SPMIP5: variants seen among roughly 807,000 people sequenced by gnomAD.
The protein encoded by SPMIP5 is sperm microtubule inner protein 5.
chr10:116,662,449 G>T, the SPMIP5 span, among the ~76,000 whole-genome samples: 1 of 152,258 alleles, frequency 6.6e-6, no homozygotes, highest in Non-Finnish European at 1.5e-5. Context: ...TTCGCCTGGA[G>T]GTTAGTGAAA....
chr10:116,667,546 G>T, the SPMIP5 span, among the ~76,000 whole-genome samples: 1 of 152,228 alleles, frequency 6.6e-6, no homozygotes, highest in Non-Finnish European at 1.5e-5. Flanking sequence ...ATTAGGACCA[G>T]AGTGAGGTTG....
At chr10:116,665,319 C>T in the SPMIP5 span, 5 of 373,472 alleles carry the variant, frequency 1.3e-5, no homozygotes, top group Non-Finnish European at 2.3e-5. Flanking sequence ...GCAGGAGAAT[C>T]GCTTGAACCC....
chr10:116,664,510 C>T, the SPMIP5 span: 4 of 828,160 alleles, frequency 4.8e-6, no homozygotes, highest in African/African-American at 7.0e-5. Context: ...CTGGTTTTTA[C>T]TCCCATCCCC....
chr10:116,666,468 TTG>T, the SPMIP5 span, among the ~76,000 whole-genome samples: 2 of 141,598 alleles, frequency 1.4e-5, no homozygotes, highest in African/African-American at 5.2e-5. Flanking sequence ...TTTTTTTTTT[TTG>T]AAGAACAAAT....
At chr10:116,663,098 C>T in the SPMIP5 span, among the ~76,000 whole-genome samples, 2 of 149,582 alleles carry the variant, frequency 1.3e-5, no homozygotes, top group African/African-American at 2.5e-5. Context: ...AGGAGAATGG[C>T]GTGAACCCAG....
At chr10:116,668,933 G>GCACACACACACACACACACACACACA in the SPMIP5 span, among the ~76,000 whole-genome samples, 56 of 135,376 alleles carry the variant, frequency 4.1e-4, no homozygotes, top group African/African-American at 1.1e-3. Context: ...GCACACACAT[G>GCACACACACACACACACACACACACA]CACACACACA....
chr10:116,662,869 C>A, the SPMIP5 span, among the ~76,000 whole-genome samples: 1 of 152,148 alleles, frequency 6.6e-6, no homozygotes, highest in Non-Finnish European at 1.5e-5. Context: ...TGATCCAGTG[C>A]GACTGGTGTC....
At chr10:116,665,697 G>A in the SPMIP5 span, 1 of 1,614,188 alleles carries the variant, frequency 6.2e-7, no homozygotes, top group South Asian at 1.1e-5. Context: ...TTTCGGGGCA[G>A]TGGCCACTGC....
chr10:116,664,810 G>C, the SPMIP5 span: 1 of 1,614,142 alleles, frequency 6.2e-7, no homozygotes, highest in Non-Finnish European at 8.5e-7. Flanking sequence ...GTGATCTCCA[G>C]GAAGTCCTTG....
At chr10:116,665,243 A>G in the SPMIP5 span, 1 of 600,192 alleles carries the variant, frequency 1.7e-6, no homozygotes, top group East Asian at 5.8e-5. Flanking sequence ...CTAAAAATAC[A>G]AAAATTAGCC....
the SPMIP5 span, chr10:116,664,321 G>A: frequency 7.9e-7 from 1 of 1,262,356 alleles, no homozygotes; most frequent in Non-Finnish European, 1.1e-6. Flanking sequence ...ATTAAGAATA[G>A]AATAATAATA....
At chr10:116,668,923 GCACACACATGCACACA>G in the SPMIP5 span, among the ~76,000 whole-genome samples, 1 of 61,580 alleles carries the variant, frequency 1.6e-5, no homozygotes, top group African/African-American at 6.8e-5. Context: ...CCACCCGCCG[GCACACACATGCACACA>G]CACACACACA....
chr10:116,663,820 T>G, the SPMIP5 span: 3 of 1,381,218 alleles, frequency 2.2e-6, no homozygotes, highest in South Asian at 4.9e-5. Flanking sequence ...AATTTCTTTA[T>G]TGCTCACTGG....
At chr10:116,665,473 G>A in the SPMIP5 span, 1 of 631,712 alleles carries the variant, frequency 1.6e-6, no homozygotes, top group South Asian at 3.1e-5. Flanking sequence ...AAGAAATGGA[G>A]CCTTTGCATT....
chr10:116,666,100 C>T, the SPMIP5 span, among the ~76,000 whole-genome samples: 1 of 152,206 alleles, frequency 6.6e-6, no homozygotes, highest in South Asian at 2.1e-4. Flanking sequence ...TAGCAAAGCC[C>T]CTGATGTCAG....
chr10:116,663,243 GGA>G, the SPMIP5 span, among the ~76,000 whole-genome samples: 3 of 151,938 alleles, frequency 2.0e-5, no homozygotes, highest in East Asian at 5.8e-4. Flanking sequence ...CAGGGGGCCT[GGA>G]GTTAGTAGCA....
At chr10:116,664,277 A>G in the SPMIP5 span, 1 of 1,571,850 alleles carries the variant, frequency 6.4e-7, no homozygotes, top group Non-Finnish European at 8.6e-7. Context: ...ATATTCTAAA[A>G]CAAGAATAGA....
the SPMIP5 span, chr10:116,665,863 A>G: frequency 2.6e-6 from 4 of 1,560,276 alleles, no homozygotes; most frequent in Non-Finnish European, 3.5e-6. Flanking sequence ...CTTCAGCAAG[A>G]CTGGCCAGCA....
chr10:116,664,562 A>G, the SPMIP5 span: 5 of 1,075,580 alleles, frequency 4.6e-6, no homozygotes, highest in African/African-American at 8.1e-5. Context: ...GCTGCTGGGG[A>G]ATGCTGAGCA....
Sources: allele counts gnomAD v4.1 joint callset (sites outside exome capture counted in the v4.1 genomes callset), GRCh38; gene constraint gnomAD v4.1.1; transcripts MANE v1.5; gene names NCBI Gene and HGNC (gene_info 2026-07-23, HGNC 2026-07-21).